The following FGL1 variants were observed in gnomAD, a reference collection of about 807,000 sequenced individuals.
The protein encoded by FGL1 is fibrinogen like 1.
Under a neutral mutation model 43.7 loss-of-function variants are expected in FGL1, and 59 were observed. The ratio of observed to expected loss-of-function variants is 1.35; its 90% CI spans 1.10 to 1.68. FGL1 has a LOEUF of 1.68. FGL1 is among the 40% of genes most tolerant of loss of function. The probability of loss-of-function intolerance (pLI) is 0.00; values close to 1 mark genes in which losing one functional copy is unlikely to be tolerated. For missense variants in FGL1, 596 were observed against 373.0 expected, an observed-to-expected ratio of 1.60 and a Z score of -4.92; for synonymous variants, 192 against 126.5, an observed-to-expected ratio of 1.52 and a Z score of -3.48.
chr8:17,882,212 C>G, intron 2 of FGL1, 33 bp from the exon 3 acceptor site: 1 of 1,529,346 alleles, frequency 6.5e-7, no homozygotes, highest in Non-Finnish European at 8.8e-7. Context: ...TGAGTATGCA[C>G]CTCATTTTCA....
In FGL1 at chr8:17,874,362, C is replaced by G. The variant is rs747323904; in HGVS notation, c.404G>C (p.Arg135Thr). ...AAGTCTTACATCATAATTAGCACAC[C>G]TGTTAAAGTTTTCACTGCCATCAGA... ...RRSDGSENFN[R>T]GWKDYENGFG... is the part of the protein sequence containing the mutation. Residue 135 changes from arginine to threonine, a missense_variant and splice_region_variant, in exon 4 of 8, where the codon AGA becomes ACA. Physicochemically the swap from Arg to Thr is moderately conservative, Grantham distance 71. Transcript: ENST00000427924. 5.6e-6 allele frequency: 9 copies of G among 1,611,830 alleles called. No individual in the cohort carries two copies. The highest frequency in any genetic ancestry group is 1.7e-5 in the Admixed American group (1 of 59,470).
At chr8:17,877,720 T>C (rs1030723904) in intron 3 of FGL1, among the ~76,000 whole-genome samples, 1 of 152,222 alleles carries the variant, frequency 6.6e-6, no homozygotes, top group African/African-American at 2.4e-5. Context: ...AATCACATCA[T>C]GGAAAATGAG....
At chr8:17,894,977 A>G (rs922821052) in intron 1 of FGL1, among the ~76,000 whole-genome samples, 4 of 150,652 alleles carry the variant, frequency 2.7e-5, no homozygotes, top group Admixed American at 2.6e-4. Flanking sequence ...TAAAGGGCTA[A>G]TGAAATTTTT....
At chr8:17,867,570 T>C (rs1469993374) in intron 7 of FGL1, among the ~76,000 whole-genome samples, 1 of 152,254 alleles carries the variant, frequency 6.6e-6, no homozygotes, top group African/African-American at 2.4e-5. Flanking sequence ...TTACAGCTCT[T>C]GTGCTTTGGG....
intron 5 of FGL1, among the ~76,000 whole-genome samples, chr8:17,873,406 T>C (rs2053394692): frequency 6.6e-6 from 1 of 151,926 alleles, no homozygotes; most frequent in South Asian, 2.1e-4. Context: ...AGTGAGGAAG[T>C]TGATGGCAGA....
chr8:17,893,700 G>T (rs989831425), intron 1 of FGL1, among the ~76,000 whole-genome samples: 15 of 146,978 alleles, frequency 1.0e-4, no homozygotes, highest in Non-Finnish European at 2.2e-4. Context: ...AATATCTTAA[G>T]TTCTCTAAAA....
chr8:17,873,326 G>C lies in FGL1; in HGVS notation c.502+693C>G, dbSNP rs957753960. Reference sequence around the variant, plus strand: ...GCCTGTGCTACAAAAACAAGTCCAGGCTAGCTAGCTGGAAGATGAGAGACC... The same window carrying C: ...GCCTGTGCTACAAAAACAAGTCCAGCCTAGCTAGCTGGAAGATGAGAGACC... On this transcript the variant is annotated intron_variant, in intron 5 of 7. Transcript: ENST00000427924. 5.9e-5 allele frequency among the ~76,000 whole-genome samples: 9 copies of C among 152,000 alleles called. 1 individual carries two copies. Among genetic ancestry groups the C allele is most frequent in the Admixed American group, 4.6e-4 (7 of 15,236 alleles).
At chr8:17,867,337 T>C (rs2053284337) in intron 7 of FGL1, among the ~76,000 whole-genome samples, 1 of 152,094 alleles carries the variant, frequency 6.6e-6, no homozygotes, top group Non-Finnish European at 1.5e-5. Context: ...CCCACTGCAG[T>C]AAACCAAAAG....
intron 1 of FGL1, chr8:17,895,108 GT>G (rs2053756030): frequency 4.8e-6 from 1 of 207,942 alleles, no homozygotes; most frequent in African/African-American, 2.4e-5. Context: ...ATTTCAAAAT[GT>G]AATTATACAT....
intron 3 of FGL1, among the ~76,000 whole-genome samples, chr8:17,877,833 G>C (rs931414437): frequency 1.3e-5 from 2 of 152,278 alleles, no homozygotes; most frequent in Non-Finnish European, 2.9e-5. Context: ...GAGAGAATGC[G>C]ATACTCTTGT....
intron 3 of FGL1, among the ~76,000 whole-genome samples, chr8:17,875,325 C>T (rs191460140): frequency 1.3e-5 from 2 of 152,122 alleles, no homozygotes; most frequent in African/African-American, 4.8e-5. Flanking sequence ...TTTTACTAAC[C>T]CACTGAAGTT....
intron 3 of FGL1, among the ~76,000 whole-genome samples, chr8:17,879,419 A>G (rs1039079494): frequency 6.6e-5 from 10 of 152,166 alleles, no homozygotes; most frequent in African/African-American, 2.2e-4. Flanking sequence ...ACCAAATCTC[A>G]TGTTGAGTTG....
intron 2 of FGL1, 128 bp from the exon 3 acceptor site, chr8:17,882,307 G>A: frequency 1.1e-6 from 1 of 891,218 alleles, no homozygotes; most frequent in Non-Finnish European, 1.6e-6. Context: ...TTATTCCAAA[G>A]AGAAAGTGGC....
chr8:17,892,256 C>G (rs535225131), intron 1 of FGL1, among the ~76,000 whole-genome samples: 1 of 151,852 alleles, frequency 6.6e-6, no homozygotes, highest in East Asian at 1.9e-4. Context: ...CACAGACATA[C>G]AGTCATAAAG....
At chr8:17,890,604 C>A (rs540588374) in intron 1 of FGL1, among the ~76,000 whole-genome samples, 2 of 152,210 alleles carry the variant, frequency 1.3e-5, no homozygotes, top group Admixed American at 6.5e-5. Context: ...AACAGCTGTC[C>A]CCTACTGTCT....
chr8:17,868,829 G>C, intron 6 of FGL1, 87 bp downstream of exon 6: 1 of 1,469,106 alleles, frequency 6.8e-7, no homozygotes, highest in East Asian at 2.3e-5. Context: ...AGGTTCTATT[G>C]TATATTTTTA....
chr8:17,886,438 T>C (rs564851648), intron 1 of FGL1, among the ~76,000 whole-genome samples: 2 of 144,772 alleles, frequency 1.4e-5, no homozygotes, highest in Admixed American at 6.9e-5. Context: ...TAGTGTGCAA[T>C]GTCAGCAAGT....
At chr8:17,870,359 G>A (rs1431424630) in intron 5 of FGL1, among the ~76,000 whole-genome samples, 1 of 151,968 alleles carries the variant, frequency 6.6e-6, no homozygotes, top group African/African-American at 2.4e-5. Flanking sequence ...TTCAGAAACA[G>A]AACTCTTGTC....
intron 1 of FGL1, among the ~76,000 whole-genome samples, chr8:17,890,711 T>A (rs2053691517): frequency 6.6e-6 from 1 of 152,160 alleles, no homozygotes; most frequent in Non-Finnish European, 1.5e-5. Context: ...CAGTTTGCCA[T>A]GACTGGGGAG....
Sources: allele counts gnomAD v4.1 joint callset (sites outside exome capture counted in the v4.1 genomes callset), GRCh38; gene constraint gnomAD v4.1.1; transcripts MANE v1.5; gene names NCBI Gene and HGNC (gene_info 2026-07-23, HGNC 2026-07-21).